The following STAT6 variants were observed in gnomAD, a reference collection of about 807,000 sequenced individuals.
STAT6 encodes signal transducer and activator of transcription 6.
Under a neutral mutation model 106.3 loss-of-function variants are expected in STAT6, and 45 were observed. The ratio of observed to expected loss-of-function variants is 0.42; its 90% CI spans 0.33 to 0.54. The LOEUF is 0.54. STAT6 is among the 20% of genes least tolerant of loss of function. STAT6 has a pLI of 0.06. For synonymous variants in STAT6, 413 were observed against 413.6 expected (o/e 1.00, Z 0.02); for missense variants, 797 against 1,062.2 (o/e 0.75, Z 3.47).
At position 57,106,314 on chromosome 12, in the gene STAT6, G is replaced by A. The variant is rs757637909; in HGVS notation, c.557C>T (p.Thr186Ile). 1.2e-5 allele frequency: 19 copies of A among 1,614,126 alleles called. No homozygotes were observed. The highest frequency in any genetic ancestry group is 4.5e-5 in the East Asian group (2 of 44,900). Residue 186 changes from threonine to isoleucine, a missense_variant, in exon 7 of 22, where the codon ACC (threonine) becomes ATC (isoleucine). Thr to Ile is a moderately conservative substitution (Grantham distance 89). This residue lies in a region of STAT6 where 336 missense variants were observed against 429.8 expected (regional missense o/e 0.78). Transcript: ENST00000300134. The stretch of plus-strand genomic sequence containing the variant: ...TTTGGCTGCCTCTAGCTCTCCAGTG[G>A]TCTCCTGCAGTAGCATGGCCAGGGC... ...SEALAMLLQE[T>I]TGELEAAKAL... is the part of the protein sequence containing the mutation.
intron 7 of STAT6, 139 bp downstream of exon 7, chr12:57,106,052 C>T (rs1413253461): frequency 6.3e-6 from 9 of 1,428,672 alleles, no homozygotes; most frequent in Admixed American, 2.2e-5. Context: ...TGCACAGCCC[C>T]GCTGGAACTG....
Position 57,100,015 on chromosome 12 carries a change from G to T in STAT6, c.1588C>A (p.Arg530=). The T allele has an allele frequency of 6.2e-7, 1 of 1,613,318 alleles. No individual in the cohort carries two copies. Among genetic ancestry groups the T allele is most frequent in the Non-Finnish European group, 8.5e-7 (1 of 1,179,676 alleles). Residue 530 remains arginine (R), a synonymous_variant, in exon 14 of 22, where the codon CGG becomes AGG. Transcript: ENST00000300134. Reference sequence around the variant, plus strand: ...ACTCACCGGTCAGACCAGTAGCTCCGGAGACAGCGTTTGGTGAGGTCCAGG... The same window carrying T: ...ACTCACCGGTCAGACCAGTAGCTCCTGAGACAGCGTTTGGTGAGGTCCAGG... ...GVLDLTKRCL[R]SYWSDRLIIG...
chr12:57,109,106 G>A (rs1157814029), intron 1 of STAT6, among the ~76,000 whole-genome samples: 1 of 152,172 alleles, frequency 6.6e-6, no homozygotes, highest in Non-Finnish European at 1.5e-5. Context: ...GGAGGCTGAG[G>A]TGACAGAATG....
intron 13 of STAT6, among the ~76,000 whole-genome samples, chr12:57,100,519 T>C (rs1173743223): frequency 1.3e-5 from 2 of 152,066 alleles, no homozygotes; most frequent in East Asian, 3.9e-4. Flanking sequence ...GAAGGTAACC[T>C]GCTGGGTGTG....
chr12:57,100,700 G>GAGAGAGAGAGAGAAAGAA (rs2033835522), intron 13 of STAT6: 1 of 62,936 alleles, frequency 1.6e-5, no homozygotes, highest in Non-Finnish European at 3.1e-5. Context: ...AAGAAAGAAA[G>GAGAGAGAGAGAGAAAGAA]AGAAAGAAAG....
intron 1 of STAT6, among the ~76,000 whole-genome samples, chr12:57,108,779 T>C (rs1313845957): frequency 6.6e-6 from 1 of 152,224 alleles, no homozygotes; most frequent in Non-Finnish European, 1.5e-5. Context: ...GAAGATGCCC[T>C]GTTGAAAGCA....
chr12:57,107,899 C>T (rs1177324917), intron 2 of STAT6, among the ~76,000 whole-genome samples, 156 bp from the exon 3 acceptor site: 3 of 152,230 alleles, frequency 2.0e-5, no homozygotes, highest in Non-Finnish European at 4.4e-5. Context: ...GTTTCCCAGT[C>T]TTCTAGCTGT....
intron 7 of STAT6, chr12:57,105,810 C>A (rs2034238239): frequency 2.4e-6 from 2 of 839,186 alleles, no homozygotes; most frequent in East Asian, 2.8e-5. Flanking sequence ...GCCTACACCC[C>A]CTGTGGAAAC....
At chr12:57,102,595 A>G (rs2034003031) in intron 12 of STAT6, 99 bp from the exon 13 acceptor site, 1 of 1,258,104 alleles carries the variant, frequency 7.9e-7, no homozygotes, top group Admixed American at 2.1e-5. Flanking sequence ...CTACCCCTCC[A>G]CAGCCCCTGA....
At position 57,107,267 on chromosome 12, in the gene STAT6, T is replaced by G; in HGVS notation, c.303A>C (p.Gln101His). 6.2e-7 allele frequency: 1 copy of G among 1,614,200 alleles called. No homozygotes were observed. The highest frequency in any genetic ancestry group is 8.5e-7 in the Non-Finnish European group (1 of 1,180,028). ...DPLKLVATFR[Q>H]ILQGEKKAVM... ...CAGCTTTTTTCTCTCCTTGAAGTAT[T>G]TGTCTGAAAGTGGCCACCAGCTTCA... Residue 101 changes from glutamine to histidine, a missense_variant, in exon 4 of 22, where the codon CAA (glutamine) becomes CAC (histidine). Physicochemically the swap from Gln to His is conservative, Grantham distance 24. Coordinates refer to ENST00000300134, the MANE Select transcript of STAT6 (RefSeq NM_003153.5).
chr12:57,102,205 G>A, intron 13 of STAT6, 85 bp downstream of exon 13: 1 of 1,430,336 alleles, frequency 7.0e-7, no homozygotes, highest in East Asian at 2.3e-5. Context: ...CCAGTGGAAG[G>A]TCCCTGCATG....
chr12:57,106,941 T>A, intron 4 of STAT6, 110 bp from the exon 5 acceptor site: 1 of 1,514,414 alleles, frequency 6.6e-7, no homozygotes, highest in East Asian at 2.3e-5. Context: ...CTCTCCCCTT[T>A]GGCAGTTCTT....
chr12:57,102,529 G>C (rs1231151083), intron 12 of STAT6, 33 bp from the exon 13 acceptor site: 1 of 1,607,350 alleles, frequency 6.2e-7, no homozygotes. Context: ...GAGCACTGCA[G>C]GCTACCGTCT....
Position 57,099,638 on chromosome 12 carries a change from GA to G in STAT6, c.1744+128del. ...AAGGTGAACATTTAGACCACAGAAG[GA>G]AGAAGAGAAGCTGGAAGAACTTCCT... On this transcript the variant is annotated intron_variant, in intron 15 of 21. Coordinates refer to ENST00000300134, the MANE Select transcript of STAT6 (RefSeq NM_003153.5). The surrounding 1 kb of genome is among the most constrained non-coding windows in gnomAD (Gnocchi z 4.7). 2 of 1,441,870 alleles carry G rather than the reference GA, an allele frequency of 1.4e-6. No homozygotes were observed. The highest frequency in any genetic ancestry group is 1.9e-6 in the Non-Finnish European group (2 of 1,063,324). The allele number at this position is 1,441,870 out of a possible 1,614,324, so 89.3% of individuals were successfully genotyped here.
intron 1 of STAT6, among the ~76,000 whole-genome samples, chr12:57,110,720 C>T (rs187303476): frequency 6.6e-6 from 1 of 152,158 alleles, no homozygotes; most frequent in Non-Finnish European, 1.5e-5. Flanking sequence ...CACGCCCCAG[C>T]CACACCCTTG....
rs200507162 is a variant in STAT6 at position 57,098,559 on chromosome 12, G to A, written c.2105C>T (p.Pro702Leu). 17 of 1,613,910 alleles carry A rather than the reference G, an allele frequency of 1.1e-5. No homozygotes were observed. Among genetic ancestry groups the A allele is most frequent in the Admixed American group, 3.3e-5 (2 of 59,986 alleles). Reference sequence around the variant, plus strand: ...TTCTTCTGGGGAGAGGCCTTGATACGGGGGGATGGAGTGAGAGTGTGGTGG... The same window carrying A: ...TTCTTCTGGGGAGAGGCCTTGATACAGGGGGATGGAGTGAGAGTGTGGTGG... ...VYPPHSHSIP[P>L]YQGLSPEESV... The change falls in exon 19 of 22, where the codon CCG becomes CTG. Residue 702 changes from proline to leucine, a missense_variant. Pro to Leu is a moderately conservative substitution (Grantham distance 98). Coordinates refer to ENST00000300134, the MANE Select transcript of STAT6 (RefSeq NM_003153.5).
Position 57,102,874 on chromosome 12 carries a change from G to A in STAT6, c.1260C>T (p.Asn420=). The A allele has an allele frequency of 6.2e-7, 1 of 1,603,388 alleles. No homozygotes were observed. Among genetic ancestry groups the A allele is most frequent in the East Asian group, 2.3e-5 (1 of 43,228 alleles). The change falls in exon 12 of 22, where the codon AAC becomes AAT. Residue 420 remains asparagine, a synonymous_variant. Transcript: ENST00000300134. ...LVVIVHGNQD[N]NAKATILWDN... ...CCCACAGGATAGTGGCTTTGGCATT[G>A]TTGTCTTGGTTGCCATGGACGATGA...
intron 4 of STAT6, 107 bp from the exon 5 acceptor site, chr12:57,106,938 C>T: frequency 1.3e-6 from 2 of 1,524,358 alleles, no homozygotes; most frequent in South Asian, 1.2e-5. Flanking sequence ...CCCCTCTCCC[C>T]TTTGGCAGTT....
At position 57,100,082 on chromosome 12, in the gene STAT6, C is replaced by G. The variant is rs756343805; in HGVS notation, c.1521G>C (p.Leu507=). The G allele has an allele frequency of 6.2e-7, 1 of 1,600,750 alleles. No homozygotes were observed. Residue 507 remains leucine, a synonymous_variant, in exon 14 of 22, where the codon CTG becomes CTC. Coordinates refer to ENST00000300134, the MANE Select transcript of STAT6 (RefSeq NM_003153.5). ...GCCAAAAGGTGAAGCCACGGCCCAG[C>G]AGGATCTCCTAGGGGGAGAGGGGGA... is the stretch of plus-strand genomic sequence containing the variant. ...VSWSQFNKEI[L]LGRGFTFWQW... is the part of the protein sequence containing the mutation.
Sources: allele counts gnomAD v4.1 joint callset (sites outside exome capture counted in the v4.1 genomes callset), GRCh38; gene constraint gnomAD v4.1.1; regional missense constraint gnomAD v4.1.1; non-coding constraint Gnocchi (gnomAD v3.1); transcripts MANE v1.5; gene names NCBI Gene and HGNC (gene_info 2026-07-23, HGNC 2026-07-21).